Variants in OR51B5 observed in about 807,000 individuals in gnomAD.
OR51B5 encodes the protein olfactory receptor 51B5.
For synonymous variants in OR51B5, 186 were observed against 144.8 expected, an observed-to-expected ratio of 1.28 and a Z score of -2.04; for missense variants, 456 against 374.6, an observed-to-expected ratio of 1.22 and a Z score of -1.79.
At chr11:5,377,045 G>A (rs961067540) in intron 1 of OR51B5, among the ~76,000 whole-genome samples, 3 of 152,052 alleles carry the variant, frequency 2.0e-5, no homozygotes, top group Non-Finnish European at 2.9e-5. Context: ...GATGAACATC[G>A]ATGCAAAAAT....
chr11:5,357,940 C>G (rs1031739035), intron 1 of OR51B5, among the ~76,000 whole-genome samples: 1 of 151,978 alleles, frequency 6.6e-6, no homozygotes, highest in African/African-American at 2.4e-5. Context: ...TCTTTGGAAC[C>G]AAAGAGAACA....
chr11:5,478,162 C>A (rs929606514), intron 1 of OR51B5, among the ~76,000 whole-genome samples: 63 of 151,964 alleles, frequency 4.1e-4, no homozygotes, highest in South Asian at 2.3e-3. Flanking sequence ...AGCTGGAGAT[C>A]TGAGAACGGG....
At chr11:5,374,725 G>A (rs2133710785) in intron 1 of OR51B5, among the ~76,000 whole-genome samples, 1 of 152,306 alleles carries the variant, frequency 6.6e-6, no homozygotes, top group East Asian at 1.9e-4. Flanking sequence ...CTGGAAGAAA[G>A]GGTATCAGTG....
At chr11:5,505,142 T>C (rs1417896818) in intron 1 of OR51B5, among the ~76,000 whole-genome samples, 1 of 152,242 alleles carries the variant, frequency 6.6e-6, no homozygotes, top group Non-Finnish European at 1.5e-5. Context: ...TTTGCTTTTT[T>C]CCTCAGACCC....
intron 1 of OR51B5, among the ~76,000 whole-genome samples, chr11:5,443,445 C>T (rs1156972769): frequency 3.9e-5 from 6 of 152,008 alleles, no homozygotes; most frequent in Non-Finnish European, 8.8e-5. Context: ...AACCTCTCTT[C>T]CCCTAAACCC....
At chr11:5,418,148 T>C (rs1324381154) in intron 1 of OR51B5, among the ~76,000 whole-genome samples, 11 of 151,290 alleles carry the variant, frequency 7.3e-5, no homozygotes, top group East Asian at 2.0e-4. Flanking sequence ...AGTAAACTAT[T>C]GCAAGAACAA....
At chr11:5,443,944 T>C (rs1211017584) in intron 1 of OR51B5, among the ~76,000 whole-genome samples, 1 of 152,050 alleles carries the variant, frequency 6.6e-6, no homozygotes, top group Non-Finnish European at 1.5e-5. Context: ...CCGGTATTTA[T>C]AGGCACTATC....
At chr11:5,347,713 C>G (rs980173310), upstream of OR51B5, among the ~76,000 whole-genome samples, 1 of 151,896 alleles carries the variant, frequency 6.6e-6, no homozygotes, top group African/African-American at 2.4e-5. Context: ...TGTTCAAAGC[C>G]CAATACCCAC....
chr11:5,457,519 T>A (rs1255872974), intron 1 of OR51B5, among the ~76,000 whole-genome samples: 1 of 152,212 alleles, frequency 6.6e-6, no homozygotes, highest in African/African-American at 2.4e-5. Context: ...AATGGGTAGC[T>A]CTAAGTTATG....
chr11:5,373,960 C>G (rs1419204670), intron 1 of OR51B5, among the ~76,000 whole-genome samples: 4 of 152,200 alleles, frequency 2.6e-5, no homozygotes, highest in African/African-American at 9.7e-5. Context: ...CCCTGTCTGA[C>G]AGCTTTGAGG....
At chr11:5,404,243 T>C (rs545461361) in intron 1 of OR51B5, among the ~76,000 whole-genome samples, 1 of 152,252 alleles carries the variant, frequency 6.6e-6, no homozygotes, top group Admixed American at 6.5e-5. Context: ...ATCAGTTCTC[T>C]GTGTCTAGCT....
At chr11:5,340,377 ATATTTAT>A (rs568663241), downstream of OR51B5, 275 of 152,032 alleles carry the variant, frequency 1.8e-3, 1 homozygote, top group African/African-American at 6.5e-3. Context: ...TTTACTCTAA[ATATTTAT>A]TATAGTTTGA....
intron 1 of OR51B5, among the ~76,000 whole-genome samples, chr11:5,376,841 C>A (rs928093460): frequency 8.8e-5 from 13 of 147,992 alleles, no homozygotes; most frequent in African/African-American, 3.3e-4. Context: ...CAAAAAGAGT[C>A]CAGGACCAGA....
At chr11:5,475,696 T>C (rs1002617432) in intron 1 of OR51B5, among the ~76,000 whole-genome samples, 8 of 152,188 alleles carry the variant, frequency 5.3e-5, no homozygotes, top group African/African-American at 1.9e-4. Flanking sequence ...GTAAATTCCA[T>C]GAAACATGAC....
At chr11:5,491,092 G>C (rs749246394) in intron 1 of OR51B5, among the ~76,000 whole-genome samples, 9 of 152,196 alleles carry the variant, frequency 5.9e-5, no homozygotes, top group Non-Finnish European at 1.0e-4. Context: ...GATTATACTG[G>C]TATGTATCAT....
At position 5,349,065 on chromosome 11, in the gene OR51B5, AG is replaced by A. The variant is rs1469316342; in HGVS notation, n.85-2156del. 2.6e-5 allele frequency among the ~76,000 whole-genome samples: 4 copies of A among 152,272 alleles called. No individual in the cohort carries two copies. In the East Asian group the frequency reaches 7.7e-4, roughly 29 times the overall value. On this transcript the variant is annotated intron_variant and non_coding_transcript_variant, in intron 1 of 4. Transcript: ENST00000415970. ...GGCAGAGTTTGAGACTTTGAGAATT[AG>A]TTTCTCATTAATAAAAACTCAAGTC...
chr11:5,444,409 G>A (rs1287565316), intron 1 of OR51B5, among the ~76,000 whole-genome samples: 1 of 152,134 alleles, frequency 6.6e-6, no homozygotes, highest in African/African-American at 2.4e-5. Context: ...ATGTGGTTTG[G>A]TATTATGGTT....
At position 5,390,457 on chromosome 11, in the gene OR51B5, T is replaced by C. The variant is rs1339605606; in HGVS notation, n.85-43547A>G. 14 of 1,232,834 alleles carry C rather than the reference T, an allele frequency of 1.1e-5. No homozygotes were observed. The Admixed American group carries it at 1.1e-4, about 10-fold the overall frequency. The allele number at this position is 1,232,834 out of a possible 1,614,324, so 76.4% of individuals were successfully genotyped here. A position where few individuals can be genotyped will look rare whatever the true frequency, so the allele number is the denominator to read the frequency against. ...CTGAAAATTTGGAGTATTGAGTATA[T>C]AGCATGCTCTTAAAGATTTTTTGCC... On this transcript the variant is annotated intron_variant and non_coding_transcript_variant, in intron 1 of 4. Coordinates refer to the OR51B5 transcript ENST00000415970.
chr11:5,470,544 C>T (rs901810089), intron 1 of OR51B5, among the ~76,000 whole-genome samples: 8 of 152,134 alleles, frequency 5.3e-5, no homozygotes, highest in East Asian at 1.9e-4. Context: ...TATGTATTCA[C>T]GCAGCCAATT....
Sources: gnomAD v4.1 joint callset for allele counts (sites outside exome capture counted in the v4.1 genomes callset) on GRCh38, gnomAD v4.1.1 for gene constraint, MANE v1.5 for transcripts, NCBI Gene and HGNC (gene_info 2026-07-23, HGNC 2026-07-21) for gene names.